Variants in SYNJ2BP observed in about 807,000 individuals in gnomAD.
SYNJ2BP encodes the protein synaptojanin 2 binding protein.
Under a neutral mutation model 16.9 loss-of-function variants are expected in SYNJ2BP, and 10 were observed. The ratio of observed to expected loss-of-function variants is 0.59; its 90% CI spans 0.36 to 1.00. SYNJ2BP has a LOEUF of 1.00. SYNJ2BP is among the 50% of genes least tolerant of loss of function. SYNJ2BP has a pLI of 0.01. For missense variants in SYNJ2BP, 162 were observed against 186.7 expected (o/e 0.87, Z 0.77); for synonymous variants, 54 against 68.4 (o/e 0.79, Z 1.04).
chr14:70,381,755 C>A (rs1214157707), intron 2 of SYNJ2BP, among the ~76,000 whole-genome samples: 3 of 152,226 alleles, frequency 2.0e-5, no homozygotes, highest in African/African-American at 7.2e-5. Context: ...AAGTGATTCT[C>A]AAGTCTGAGT....
At chr14:70,384,754 C>T (rs1042024350) in intron 2 of SYNJ2BP, among the ~76,000 whole-genome samples, 1 of 152,080 alleles carries the variant, frequency 6.6e-6, no homozygotes, top group Non-Finnish European at 1.5e-5. Flanking sequence ...CTTGCTTCTC[C>T]TTCACCTTAA....
intron 2 of SYNJ2BP, among the ~76,000 whole-genome samples, chr14:70,379,698 C>G (rs564266963): frequency 6.6e-6 from 1 of 152,188 alleles, no homozygotes; most frequent in African/African-American, 2.4e-5. Context: ...CTCAATGACT[C>G]AATTTTCTAG....
intron 1 of SYNJ2BP, among the ~76,000 whole-genome samples, chr14:70,403,319 T>C (rs939956770): frequency 1.3e-5 from 2 of 152,218 alleles, no homozygotes; most frequent in African/African-American, 4.8e-5. Flanking sequence ...CCAAAATACA[T>C]GAAAACATTC....
intron 2 of SYNJ2BP, among the ~76,000 whole-genome samples, chr14:70,376,255 T>C (rs1258735471): frequency 6.6e-6 from 1 of 152,216 alleles, no homozygotes; most frequent in African/African-American, 2.4e-5. Context: ...GCCCATTCTA[T>C]TGGGCTTTTC....
intron 3 of SYNJ2BP, among the ~76,000 whole-genome samples, chr14:70,375,062 T>C (rs1854647658): frequency 6.6e-6 from 1 of 151,732 alleles, no homozygotes; most frequent in Non-Finnish European, 1.5e-5. Context: ...AGAGTACAGA[T>C]GTGAGTCACC....
At chr14:70,396,538 C>T (rs180856425) in intron 1 of SYNJ2BP, among the ~76,000 whole-genome samples, 29 of 151,976 alleles carry the variant, frequency 1.9e-4, no homozygotes, top group Admixed American at 1.8e-3. Flanking sequence ...CATTTTACAT[C>T]CTCACAAACA....
intron 2 of SYNJ2BP, among the ~76,000 whole-genome samples, chr14:70,378,404 G>A (rs572790729): frequency 1.3e-5 from 2 of 148,282 alleles, no homozygotes; most frequent in African/African-American, 5.0e-5. Flanking sequence ...GCTTCTTATT[G>A]CCACTATCAT....
chr14:70,415,722 G>C (rs1241000751), intron 1 of SYNJ2BP, among the ~76,000 whole-genome samples: 2 of 152,150 alleles, frequency 1.3e-5, no homozygotes, highest in African/African-American at 2.4e-5. Flanking sequence ...AAGGGAAACA[G>C]GAGTGAAAGA....
chr14:70,405,012 A>C (rs1049728438), intron 1 of SYNJ2BP, among the ~76,000 whole-genome samples: 1 of 152,140 alleles, frequency 6.6e-6, no homozygotes, highest in African/African-American at 2.4e-5. Flanking sequence ...CTGTAGTCCC[A>C]GCTATTCAGG....
chr14:70,405,244 T>G (rs1323074455), intron 1 of SYNJ2BP, among the ~76,000 whole-genome samples: 2 of 152,012 alleles, frequency 1.3e-5, no homozygotes, highest in East Asian at 3.9e-4. Context: ...TTTAAACAGG[T>G]TGTAGAATGT....
chr14:70,376,114 T>C lies in SYNJ2BP; in HGVS notation c.202-343A>G, dbSNP rs993868655. 3.9e-5 allele frequency among the ~76,000 whole-genome samples: 6 copies of C among 152,200 alleles called. No individual in the cohort carries two copies. In the East Asian group the frequency reaches 5.8e-4, roughly 15 times the overall value. On this transcript the variant is annotated intron_variant, in intron 2 of 3. Coordinates refer to ENST00000256366, the MANE Select transcript of SYNJ2BP (RefSeq NM_018373.3). The stretch of plus-strand genomic sequence containing the variant: ...GAGTGTTAACCTGCTTCCTTAAAGA[T>C]AGCATGGTCTTCCAGGTTACCACCC...
intron 2 of SYNJ2BP, among the ~76,000 whole-genome samples, chr14:70,377,929 C>T (rs914651957): frequency 6.6e-6 from 1 of 152,192 alleles, no homozygotes; most frequent in African/African-American, 2.4e-5. Context: ...ATTTCTTCAG[C>T]ATTCATTCTC....
At chr14:70,395,050 T>A (rs1285826543) in intron 1 of SYNJ2BP, among the ~76,000 whole-genome samples, 2 of 152,216 alleles carry the variant, frequency 1.3e-5, no homozygotes, top group African/African-American at 4.8e-5. Context: ...TTGCTGGCTA[T>A]CTTAGGAGCT....
At chr14:70,390,662 C>T (rs1887960710) in intron 1 of SYNJ2BP, among the ~76,000 whole-genome samples, 1 of 147,686 alleles carries the variant, frequency 6.8e-6, no homozygotes, top group Non-Finnish European at 1.5e-5. Context: ...AGCAAGACTC[C>T]ATCTCAAAAA....
chr14:70,381,869 A>G (rs1887757197), intron 2 of SYNJ2BP, among the ~76,000 whole-genome samples: 1 of 152,174 alleles, frequency 6.6e-6, no homozygotes, highest in Non-Finnish European at 1.5e-5. Context: ...TTGCATCTAC[A>G]GATTTCATTA....
chr14:70,416,859 T>A, intron 1 of SYNJ2BP, 41 bp downstream of exon 1: 1 of 1,613,880 alleles, frequency 6.2e-7, no homozygotes, highest in Non-Finnish European at 8.5e-7. Context: ...AATTACACCC[T>A]CTAATCCCCT....
rs539187586 is a variant in SYNJ2BP, at chr14:70,414,995, C to A, written c.64+1905G>T. ...AAGAAACTTGGGCATACCAAATGAG[C>A]CTTTGACAAAAGTTTAGGCGCACAT... On this transcript the variant is annotated intron_variant, in intron 1 of 3. Coordinates refer to ENST00000256366, the MANE Select transcript of SYNJ2BP (RefSeq NM_018373.3). Among the ~76,000 whole-genome samples the A allele has an allele frequency of 3.9e-5, 6 of 151,992 alleles. No individual in the cohort carries two copies. The East Asian group carries it at 1.2e-3, about 29-fold the overall frequency.
chr14:70,411,327 G>A (rs1888468391), intron 1 of SYNJ2BP, among the ~76,000 whole-genome samples: 3 of 152,174 alleles, frequency 2.0e-5, no homozygotes, highest in Non-Finnish European at 4.4e-5. Context: ...ATCTGTAAAT[G>A]ATGTATAATA....
At chr14:70,416,788 T>C (rs1251168775) in intron 1 of SYNJ2BP, 112 bp downstream of exon 1, 5 of 1,533,720 alleles carry the variant, frequency 3.3e-6, no homozygotes, top group Non-Finnish European at 4.5e-6. Context: ...ACGAAACCTC[T>C]AGGTTGTGGC....
Sources: allele counts gnomAD v4.1 joint callset (sites outside exome capture counted in the v4.1 genomes callset), GRCh38; gene constraint gnomAD v4.1.1; transcripts MANE v1.5; gene names NCBI Gene and HGNC (gene_info 2026-07-23, HGNC 2026-07-21).